The following MTRF1 variants were observed in gnomAD, a reference collection of about 807,000 sequenced individuals.
MTRF1 encodes peptide chain release factor 1, mitochondrial.
A neutral mutation model predicts 62.9 loss-of-function variants in MTRF1; 51 were observed. The ratio of observed to expected loss-of-function variants is 0.81; its 90% CI spans 0.65 to 1.02. The LOEUF (loss-of-function observed/expected upper bound fraction) is 1.02. MTRF1 is among the 50% of genes least tolerant of loss of function. MTRF1 has a pLI of 0.00. For synonymous variants in MTRF1, 158 were observed against 181.9 expected (o/e 0.87, Z 1.06); for missense variants, 446 against 530.0 (o/e 0.84, Z 1.56).
chr13:41,255,147 T>G (rs2039543639), intron 2 of MTRF1, among the ~76,000 whole-genome samples: 1 of 152,182 alleles, frequency 6.6e-6, no homozygotes, highest in Non-Finnish European at 1.5e-5. Context: ...AACTTCCATA[T>G]TATCCAAGAG....
chr13:41,222,314 TA>T (rs1258598421), intron 9 of MTRF1, among the ~76,000 whole-genome samples: 1 of 152,226 alleles, frequency 6.6e-6, no homozygotes, highest in Non-Finnish European at 1.5e-5. Flanking sequence ...GGATGCGATT[TA>T]GATAGGTTAA....
intron 2 of MTRF1, among the ~76,000 whole-genome samples, chr13:41,255,844 T>C (rs1253340732): frequency 6.6e-6 from 1 of 152,190 alleles, no homozygotes; most frequent in Non-Finnish European, 1.5e-5. Flanking sequence ...GATCTAGTTA[T>C]TGACCAAGGA....
At chr13:41,293,452 A>G in the MTRF1 span, among the ~76,000 whole-genome samples, 53 of 152,314 alleles carry the variant, frequency 3.5e-4, no homozygotes, top group African/African-American at 1.2e-3. Context: ...TTTCTCTGCT[A>G]GATATCTGAA....
chr13:41,309,202 T>C, the MTRF1 span, among the ~76,000 whole-genome samples: 26 of 152,176 alleles, frequency 1.7e-4, no homozygotes, highest in African/African-American at 5.8e-4. Flanking sequence ...CTTTTTTTTT[T>C]TGAGGCAGTT....
intron 7 of MTRF1, among the ~76,000 whole-genome samples, chr13:41,230,936 G>C (rs1029021042): frequency 2.5e-4 from 38 of 151,962 alleles, no homozygotes; most frequent in Non-Finnish European, 5.9e-5. Flanking sequence ...TTTTGGCCAG[G>C]CTAGTCTCAA....
intron 9 of MTRF1, chr13:41,220,786 C>T (rs900443737): frequency 8.0e-6 from 3 of 375,276 alleles, no homozygotes; most frequent in African/African-American, 2.1e-5. Flanking sequence ...GGCCTCTAAC[C>T]TCTTACATGC....
At chr13:41,223,531 G>A (rs1435739102) in intron 8 of MTRF1, among the ~76,000 whole-genome samples, 177 bp from the exon 9 acceptor site, 1 of 152,158 alleles carries the variant, frequency 6.6e-6, no homozygotes, top group African/African-American at 2.4e-5. Flanking sequence ...CAGGTTTGTA[G>A]AGCTCGGTTA....
intron 1 of MTRF1, 169 bp downstream of exon 1, chr13:41,263,316 G>C: frequency 1.6e-6 from 2 of 1,288,974 alleles, no homozygotes; most frequent in Non-Finnish European, 2.0e-6. Flanking sequence ...CACAGTAACA[G>C]TATTACTCTG....
chr13:41,290,638 C>T, the MTRF1 span, among the ~76,000 whole-genome samples: 107 of 151,344 alleles, frequency 7.1e-4, no homozygotes, highest in Non-Finnish European at 1.3e-3. Context: ...CATGATCCGC[C>T]CACCTCGGCC....
chr13:41,278,294 CACAA>C, the MTRF1 span, among the ~76,000 whole-genome samples: 14 of 152,258 alleles, frequency 9.2e-5, no homozygotes, highest in East Asian at 1.9e-4. Flanking sequence ...GGACAAAATG[CACAA>C]ACAAAGCAAG....
chr13:41,237,022 C>T (rs1453708634), intron 6 of MTRF1, among the ~76,000 whole-genome samples: 1 of 151,894 alleles, frequency 6.6e-6, no homozygotes. Context: ...GGTTCAAGAC[C>T]AGCCTGAGCA....
chr13:41,250,788 G>T (rs2038974108), intron 5 of MTRF1, among the ~76,000 whole-genome samples: 1 of 152,152 alleles, frequency 6.6e-6, no homozygotes, highest in Non-Finnish European at 1.5e-5. Flanking sequence ...ATTTCTAAGT[G>T]GATGCTCACT....
the MTRF1 span, among the ~76,000 whole-genome samples, chr13:41,272,412 G>C: frequency 1.3e-5 from 2 of 152,128 alleles, no homozygotes; most frequent in Admixed American, 1.3e-4. Flanking sequence ...TGATTTTTTG[G>C]TTTTTGTTTT....
At chr13:41,219,203 A>G (rs1014797809) in intron 9 of MTRF1, among the ~76,000 whole-genome samples, 2 of 149,540 alleles carry the variant, frequency 1.3e-5, no homozygotes, top group East Asian at 3.9e-4. Flanking sequence ...AGGCTGGAGA[A>G]TTGCTTGAAC....
intron 2 of MTRF1, among the ~76,000 whole-genome samples, chr13:41,256,790 G>A (rs745542032): frequency 6.6e-6 from 1 of 152,142 alleles, no homozygotes; most frequent in Non-Finnish European, 1.5e-5. Context: ...ATTATTTGCT[G>A]TAAACCTGTA....
At chr13:41,266,974 C>A (rs1024699750), upstream of MTRF1, among the ~76,000 whole-genome samples, 1 of 137,652 alleles carries the variant, frequency 7.3e-6, no homozygotes, top group Non-Finnish European at 1.5e-5. Flanking sequence ...TCCAGCCTGG[C>A]CAACAGAGCG....
chr13:41,305,035 A>G, the MTRF1 span, among the ~76,000 whole-genome samples: 2 of 152,240 alleles, frequency 1.3e-5, no homozygotes, highest in African/African-American at 2.4e-5. Context: ...TAAGTATTCA[A>G]TAGAGTTGCC....
At chr13:41,250,731 GC>G (rs1333241578) in intron 5 of MTRF1, among the ~76,000 whole-genome samples, 2 of 152,082 alleles carry the variant, frequency 1.3e-5, no homozygotes, top group Non-Finnish European at 2.9e-5. Context: ...CTCCCGAAGT[GC>G]TGGGATTATA....
At chr13:41,266,014 T>C (rs1219736509), upstream of MTRF1, among the ~76,000 whole-genome samples, 1 of 152,120 alleles carries the variant, frequency 6.6e-6, no homozygotes, top group Non-Finnish European at 1.5e-5. Flanking sequence ...CACGCCCAGC[T>C]AATTTTTGTA....
Sources: gnomAD v4.1 joint callset for allele counts (sites outside exome capture counted in the v4.1 genomes callset) on GRCh38, gnomAD v4.1.1 for gene constraint, MANE v1.5 for transcripts, NCBI Gene and HGNC (gene_info 2026-07-23, HGNC 2026-07-21) for gene names.